Variants in IST1 observed in about 807,000 individuals in gnomAD.
The protein encoded by IST1 is IST1 homolog.
A neutral mutation model predicts 37.0 loss-of-function variants in IST1; 23 were observed. The ratio of observed to expected loss-of-function variants is 0.62; its 90% CI spans 0.45 to 0.88. The LOEUF (loss-of-function observed/expected upper bound fraction) is 0.88, where lower values mean the gene tolerates loss of function less well. Ranked by LOEUF, IST1 falls within the 40% of genes least tolerant of loss-of-function variation. The pLI is 0.00. For synonymous variants in IST1, 180 were observed against 161.7 expected (o/e 1.11, Z -0.86); for missense variants, 488 against 445.4 (o/e 1.10, Z -0.86).
intron 1 of IST1, among the ~76,000 whole-genome samples, chr16:71,907,722 A>G (rs1419493467): frequency 3.3e-5 from 5 of 151,814 alleles, no homozygotes; most frequent in Non-Finnish European, 7.4e-5. Context: ...CTTACCTACA[A>G]GTGTCCTGGC....
intron 1 of IST1, among the ~76,000 whole-genome samples, chr16:71,895,989 G>T (rs1317688202): frequency 6.6e-6 from 1 of 152,270 alleles, no homozygotes; most frequent in Admixed American, 6.5e-5. Context: ...CTTCGGGAAG[G>T]TCAGAGCTTC....
intron 5 of IST1, 78 bp from the exon 6 acceptor site, chr16:71,921,265 A>C (rs2037575108): frequency 1.2e-6 from 1 of 834,336 alleles, no homozygotes; most frequent in Non-Finnish European, 2.1e-6. Flanking sequence ...AAATGAGAGG[A>C]GCTAACTTCG....
Position 71,928,397 on chromosome 16 carries a change from G to C in IST1, c.*584G>C, listed in dbSNP as rs2037804942. ...ACAGTACTCCTCGCTGCAGGGCACT[G>C]TCCCACCGGGATCCAGTTGCAAAGT... On this transcript the variant is annotated 3_prime_UTR_variant, in exon 10 of 10. Transcript: ENST00000378799. 6.5e-6 allele frequency: 1 copy of C among 153,040 alleles called. No individual in the cohort carries two copies. Among genetic ancestry groups the C allele is most frequent in the Admixed American group, 6.5e-5 (1 of 15,312 alleles). The allele number at this position is 153,040 out of a possible 1,614,324, so 9.5% of individuals were successfully genotyped here.
intron 3 of IST1, 59 bp downstream of exon 3, chr16:71,916,701 T>C (rs993001982): frequency 7.0e-7 from 1 of 1,438,742 alleles, no homozygotes; most frequent in Non-Finnish European, 9.6e-7. Context: ...AGGAGTAATA[T>C]GATCTCTTTC....
chr16:71,897,812 G>A (rs1370788850), intron 1 of IST1, among the ~76,000 whole-genome samples: 1 of 152,026 alleles, frequency 6.6e-6, no homozygotes, highest in African/African-American at 2.4e-5. Flanking sequence ...CAGGAGTGTT[G>A]GTGTGGCCTG....
rs1399404657 is a variant in IST1, at chr16:71,930,685, A to G, written c.*2872A>G. 6.6e-6 allele frequency: 1 copy of G among 152,204 alleles called. No individual in the cohort carries two copies. The highest frequency in any genetic ancestry group is 1.5e-5 in the Non-Finnish European group (1 of 68,062). 9.4% of individuals were successfully genotyped at this position (152,204 alleles called of 1,614,324 possible). On this transcript the variant is annotated 3_prime_UTR_variant, in exon 10 of 10. Coordinates refer to ENST00000378799, the MANE Select transcript of IST1 (RefSeq NM_001270975.2). The stretch of plus-strand genomic sequence containing the variant: ...TTTTTCCATTGTCATTTTTAAAGGT[A>G]CAAGCATTGAGTTCTGCCATTCTTT...
chr16:71,925,046 T>C (rs888544840), intron 9 of IST1, among the ~76,000 whole-genome samples: 2 of 149,294 alleles, frequency 1.3e-5, no homozygotes, highest in Non-Finnish European at 3.0e-5. Context: ...GGAGTCTTGC[T>C]CTGTTGTCCA....
chr16:71,923,607 A>G (rs894293833), intron 8 of IST1: 19 of 386,326 alleles, frequency 4.9e-5, no homozygotes, highest in Middle Eastern at 5.1e-4. Context: ...GCCAGGAATC[A>G]GGAAGGAACT....
chr16:71,908,976 C>G (rs1471885818), intron 1 of IST1, among the ~76,000 whole-genome samples: 1 of 152,132 alleles, frequency 6.6e-6, no homozygotes, highest in Non-Finnish European at 1.5e-5. Context: ...GAACCTAGAA[C>G]CCTGTTCCTT....
intron 1 of IST1, among the ~76,000 whole-genome samples, chr16:71,900,980 A>G (rs2037095016): frequency 6.6e-6 from 1 of 152,252 alleles, no homozygotes; most frequent in Non-Finnish European, 1.5e-5. Flanking sequence ...ATTTTAGATT[A>G]CTTACTGGAC....
intron 1 of IST1, among the ~76,000 whole-genome samples, chr16:71,908,489 G>A (rs1053743643): frequency 6.6e-6 from 1 of 151,770 alleles, no homozygotes; most frequent in African/African-American, 2.4e-5. Flanking sequence ...TCATAGAAGA[G>A]TTTCACCATG....
At chr16:71,903,258 G>A (rs1473146855) in intron 1 of IST1, 2 of 152,194 alleles carry the variant, frequency 1.3e-5, no homozygotes, top group Non-Finnish European at 1.5e-5. Context: ...TGGAATTACA[G>A]GTGTGAACCA....
intron 1 of IST1, among the ~76,000 whole-genome samples, chr16:71,907,355 G>A (rs1030289794): frequency 2.0e-5 from 3 of 149,386 alleles, no homozygotes; most frequent in Non-Finnish European, 3.0e-5. Flanking sequence ...TCCGCTCACT[G>A]CAAGCTTCGC....
chr16:71,921,380 T>A lies in IST1; in HGVS notation c.479T>A (p.Ile160Asn), dbSNP rs751474439. ...CTGAGTGTGGAAGCCCCACCCAAAA[T>A]CCTGGTGGAGAGATACCTGATTGAA... ...HKLSVEAPPK[I>N]LVERYLIEIA... The change falls in exon 6 of 10, where the codon ATC (isoleucine) becomes AAC (asparagine). Residue 160 changes from isoleucine (I) to asparagine (N), a missense_variant. By Grantham distance (149) the Ile-to-Asn change is moderately radical. This residue lies in a region of IST1 where 455 missense variants were observed against 386.2 expected (regional missense o/e 1.18). Coordinates refer to ENST00000378799, the MANE Select transcript of IST1 (RefSeq NM_001270975.2). 1 of 1,613,638 alleles carries A rather than the reference T, an allele frequency of 6.2e-7. No individual in the cohort carries two copies. Among genetic ancestry groups the A allele is most frequent in the Non-Finnish European group, 8.5e-7 (1 of 1,179,828 alleles).
At chr16:71,919,468 C>G (rs192416865) in intron 4 of IST1, among the ~76,000 whole-genome samples, 5 of 152,256 alleles carry the variant, frequency 3.3e-5, no homozygotes, top group Non-Finnish European at 5.9e-5. Flanking sequence ...ACTGCAGCCT[C>G]GGCTTCCTGG....
rs2037795312 is a variant in IST1 at position 71,928,088 on chromosome 16, C to G, written c.*275C>G. On this transcript the variant is annotated 3_prime_UTR_variant, in exon 10 of 10. Transcript: ENST00000378799. ...GAGTGATCCCAGGTTTCCTCCTGGC[C>G]CGTCCCATGGTCCCTCCACAGGAGT... 40 of 421,822 alleles carry G rather than the reference C, an allele frequency of 9.5e-5. No individual in the cohort carries two copies. The highest frequency in any genetic ancestry group is 8.6e-4 in the South Asian group (40 of 46,502). The allele number at this position is 421,822 out of a possible 1,614,324, so 26.1% of individuals were successfully genotyped here.
At chr16:71,894,744 C>A, upstream of IST1, 1 of 806,546 alleles carries the variant, frequency 1.2e-6, no homozygotes, top group Non-Finnish European at 2.0e-6. Context: ...CTATGGTGTC[C>A]AGGCTGGTCT....
intron 9 of IST1, 24 bp from the exon 10 acceptor site, chr16:71,927,590 C>G (rs373652905): frequency 7.1e-6 from 11 of 1,544,940 alleles, no homozygotes; most frequent in South Asian, 1.1e-5. Context: ...GTATTTGTAA[C>G]GTTGTGCTCC....
At chr16:71,915,749 C>A in intron 2 of IST1, 21 bp downstream of exon 2, 1 of 1,507,058 alleles carries the variant, frequency 6.6e-7, no homozygotes, top group South Asian at 1.1e-5. Flanking sequence ...TACTTTTTTT[C>A]CCCAAAAATA....
Sources: allele counts gnomAD v4.1 joint callset (sites outside exome capture counted in the v4.1 genomes callset), GRCh38; gene constraint gnomAD v4.1.1; regional missense constraint gnomAD v4.1.1; transcripts MANE v1.5; gene names NCBI Gene and HGNC (gene_info 2026-07-23, HGNC 2026-07-21).